Variants in SH3BGR observed in about 807,000 individuals in gnomAD.
The protein encoded by SH3BGR is SH3 domain binding glutamate rich protein.
SH3BGR carries 29 observed loss-of-function variants against 24.5 expected under a neutral mutation model. That is an observed-to-expected ratio of 1.18 (90% CI 0.88 to 1.61). The LOEUF (loss-of-function observed/expected upper bound fraction) is 1.61. Ranked by LOEUF, SH3BGR falls within the 40% of genes most tolerant of loss-of-function variation. The pLI, the probability that SH3BGR is intolerant of heterozygous loss-of-function variation, is 0.00. For missense variants in SH3BGR, 162 were observed against 205.8 expected, an observed-to-expected ratio of 0.79 and a Z score of 1.30; for synonymous variants, 55 against 65.7, an observed-to-expected ratio of 0.84 and a Z score of 0.79.
intron 1 of SH3BGR, among the ~76,000 whole-genome samples, chr21:39,457,221 CATAT>C (rs930552549): frequency 8.1e-6 from 1 of 123,178 alleles, no homozygotes; most frequent in Non-Finnish European, 1.6e-5. Flanking sequence ...ATATAAAAAT[CATAT>C]ATAGTTAAAT....
Position 39,475,158 on chromosome 21 carries a change from A to G in SH3BGR, c.255A>G (p.Ala85=), listed in dbSNP as rs1249390136. 1.9e-6 allele frequency: 3 copies of G among 1,611,204 alleles called. No individual in the cohort carries two copies. Among genetic ancestry groups the G allele is most frequent in the African/African-American group, 2.7e-5 (2 of 74,856 alleles). ...AGGATTTTGACTCTTTCTTCTCTGC[A>G]AAAGAAGAGAATATTATTTATTCCT... ...YCGDFDSFFS[A]KEENIIYSFL... The change falls in exon 3 of 7, where the codon GCA becomes GCG. Residue 85 remains alanine (A), a synonymous_variant. Transcript: ENST00000333634.
intron 2 of SH3BGR, among the ~76,000 whole-genome samples, chr21:39,472,607 C>G (rs1405920902): frequency 6.6e-6 from 1 of 152,160 alleles, no homozygotes; most frequent in African/African-American, 2.4e-5. Flanking sequence ...TCACACATGG[C>G]ATGGGAATTT....
chr21:39,508,243 T>G (rs1425785976), intron 4 of SH3BGR, among the ~76,000 whole-genome samples: 1 of 152,226 alleles, frequency 6.6e-6, no homozygotes, highest in African/African-American at 2.4e-5. Context: ...ATCTCTCTCT[T>G]TAATGAAAGC....
At chr21:39,477,650 A>G (rs1262999844) in intron 3 of SH3BGR, among the ~76,000 whole-genome samples, 2 of 152,174 alleles carry the variant, frequency 1.3e-5, no homozygotes, top group Non-Finnish European at 2.9e-5. Context: ...TGGGAGGATT[A>G]TAACATTCAT....
At chr21:39,509,114 C>A in intron 5 of SH3BGR, 87 bp downstream of exon 5, 1 of 1,075,550 alleles carries the variant, frequency 9.3e-7, no homozygotes, top group Non-Finnish European at 1.4e-6. Context: ...GAGGCACGTT[C>A]TTAATAACAT....
chr21:39,479,712 C>T (rs574185806), intron 3 of SH3BGR, among the ~76,000 whole-genome samples: 108 of 152,226 alleles, frequency 7.1e-4, no homozygotes, highest in African/African-American at 2.4e-3. Flanking sequence ...TAGAAGGGGA[C>T]AGTCACTTGC....
In SH3BGR at chr21:39,463,463, A is replaced by G. The variant is rs571461416; in HGVS notation, c.231+903A>G. On this transcript the variant is annotated intron_variant, in intron 2 of 6. Coordinates refer to ENST00000333634, the MANE Select transcript of SH3BGR (RefSeq NM_007341.3). ...AATTAACTTAGAGGTCATCTAAGCC[A>G]TCTAGGGTTTTTGCAGATGAGGAAA... 7.5e-4 allele frequency among the ~76,000 whole-genome samples: 115 copies of G among 152,354 alleles called. 1 individual carries two copies. Among genetic ancestry groups the G allele is most frequent in the Non-Finnish European group, 1.3e-3 (86 of 68,030 alleles).
chr21:39,475,345 T>A, intron 3 of SH3BGR, 130 bp downstream of exon 3: 1 of 610,654 alleles, frequency 1.6e-6, no homozygotes, highest in Non-Finnish European at 2.9e-6. Context: ...CTTCTTATTC[T>A]GATGCAGTCC....
chr21:39,492,327 C>T (rs2078312979), intron 3 of SH3BGR, among the ~76,000 whole-genome samples: 1 of 151,990 alleles, frequency 6.6e-6, no homozygotes, highest in Admixed American at 6.6e-5. Context: ...TGAGAACATA[C>T]GATGTTTGGT....
rs1412418844 is a variant in SH3BGR, at chr21:39,511,467, G to A, written c.436-213G>A. On this transcript the variant is annotated intron_variant, in intron 5 of 6. Transcript: ENST00000333634. The surrounding 1 kb of genome is among the most constrained non-coding windows in gnomAD (Gnocchi z 4.2). ...TCATGTGTGTTTCCGTGGTGTGTGT[G>A]TGTTTGGGCGGTATGTGTGTGGGGT... Among the ~76,000 whole-genome samples, 1 of 149,692 alleles carries A rather than the reference G, an allele frequency of 6.7e-6. No homozygotes were observed. The highest frequency in any genetic ancestry group is 2.5e-5 in the African/African-American group (1 of 40,594).
chr21:39,500,559 G>A (rs1162282815), intron 4 of SH3BGR, among the ~76,000 whole-genome samples: 1 of 152,058 alleles, frequency 6.6e-6, no homozygotes, highest in Non-Finnish European at 1.5e-5. Flanking sequence ...CTTCTTCAAG[G>A]AGTTCTGAAA....
chr21:39,509,415 G>T (rs1169792610), intron 5 of SH3BGR, among the ~76,000 whole-genome samples: 1 of 151,670 alleles, frequency 6.6e-6, no homozygotes, highest in Non-Finnish European at 1.5e-5. Flanking sequence ...TTCATTGAGG[G>T]AGGGATTCCA....
At chr21:39,486,297 A>G (rs1395278409) in intron 3 of SH3BGR, among the ~76,000 whole-genome samples, 1 of 152,256 alleles carries the variant, frequency 6.6e-6, no homozygotes. Context: ...TGTGACATGC[A>G]AAACGAAACT....
At chr21:39,451,920 C>CAA (rs751884183), upstream of SH3BGR, 1 of 1,614,120 alleles carries the variant, frequency 6.2e-7, no homozygotes, top group African/African-American at 1.3e-5. Flanking sequence ...GCCTCTGCTG[C>CAA]TCCTTGGAGA....
At position 39,499,827 on chromosome 21, in the gene SH3BGR, C is replaced by G; in HGVS notation, c.317C>G (p.Ser106Ter). 1 of 1,610,932 alleles carries G rather than the reference C, an allele frequency of 6.2e-7. No individual in the cohort carries two copies. The change falls in exon 4 of 7, where the codon TCA (serine) becomes TGA (stop). Residue 106 changes from serine (S) to a stop codon, truncating the protein, a stop_gained. Coordinates refer to ENST00000333634, the MANE Select transcript of SH3BGR (RefSeq NM_007341.3). LOFTEE classifies it high-confidence loss of function. ...GLAPPPDSKG[S>*]EKAEEGGETE... ...CTGGGTTTCCTTTATGACCAGGGAT[C>G]AGAGAAGGCTGAAGAAGGTGGAGAA... is the stretch of plus-strand genomic sequence containing the variant.
At chr21:39,473,593 A>G (rs1474290824) in intron 2 of SH3BGR, among the ~76,000 whole-genome samples, 1 of 152,164 alleles carries the variant, frequency 6.6e-6, no homozygotes, top group African/African-American at 2.4e-5. Flanking sequence ...AATAAGAGTA[A>G]CACACAGGAG....
chr21:39,492,464 GTGTATATATATA>G (rs2078317014), intron 3 of SH3BGR, among the ~76,000 whole-genome samples: 2 of 99,882 alleles, frequency 2.0e-5, no homozygotes, highest in South Asian at 7.0e-4. Context: ...GTGTGTGTGT[GTGTATATATATA>G]TATATACACA....
chr21:39,462,979 G>A (rs530678564), intron 2 of SH3BGR, among the ~76,000 whole-genome samples: 1 of 152,146 alleles, frequency 6.6e-6, no homozygotes, highest in Non-Finnish European at 1.5e-5. Context: ...TTTCTCTTGA[G>A]CTCAAGCGAT....
intron 3 of SH3BGR, among the ~76,000 whole-genome samples, chr21:39,478,397 T>C (rs1336734372): frequency 1.3e-5 from 2 of 152,224 alleles, no homozygotes; most frequent in African/African-American, 2.4e-5. Context: ...CTGATGCCAG[T>C]CTGTCTCCAG....
Sources: allele counts gnomAD v4.1 joint callset (sites outside exome capture counted in the v4.1 genomes callset), GRCh38; gene constraint gnomAD v4.1.1; non-coding constraint Gnocchi (gnomAD v3.1); transcripts MANE v1.5; gene names NCBI Gene and HGNC (gene_info 2026-07-23, HGNC 2026-07-21).